NSD2: variants seen among roughly 807,000 people sequenced by gnomAD.
NSD2 encodes the protein histone-lysine N-methyltransferase NSD2.
In NSD2, 12 loss-of-function variants were observed where a neutral mutation model predicts 139.0. The ratio of observed to expected loss-of-function variants is 0.09; its 90% CI spans 0.06 to 0.14. The LOEUF is 0.14. NSD2 is among the 10% of genes least tolerant of loss of function. The probability of loss-of-function intolerance (pLI) is 1.00; values close to 1 mark genes in which losing one functional copy is unlikely to be tolerated. For synonymous variants in NSD2, 669 were observed against 648.7 expected (o/e 1.03, Z -0.48); for missense variants, 1,155 against 1,745.0 (o/e 0.66, Z 6.02).
chr4:1,946,433 A>AT (rs963154089), intron 9 of NSD2: 729 of 493,800 alleles, frequency 1.5e-3, no homozygotes, highest in Middle Eastern at 6.4e-3. Flanking sequence ...ACACCTGGCT[A>AT]TTTTTTTTTG....
intron 3 of NSD2, among the ~76,000 whole-genome samples, chr4:1,913,811 C>T (rs1719002612): frequency 6.6e-6 from 1 of 152,006 alleles, no homozygotes; most frequent in Non-Finnish European, 1.5e-5. Context: ...GCCCAGCTGT[C>T]TTTTCTTCAA....
At chr4:1,930,450 C>T (rs1374911322) in intron 5 of NSD2, among the ~76,000 whole-genome samples, 176 bp from the exon 6 acceptor site, 2 of 152,184 alleles carry the variant, frequency 1.3e-5, no homozygotes, top group Non-Finnish European at 2.9e-5. Context: ...CATTGAGTCA[C>T]AGCATCAGTT....
At chr4:1,888,114 G>A (rs764948196) in intron 1 of NSD2, among the ~76,000 whole-genome samples, 2 of 152,026 alleles carry the variant, frequency 1.3e-5, no homozygotes, top group Non-Finnish European at 1.5e-5. Flanking sequence ...GTGAGGCAAC[G>A]TTTATTAAGG....
rs1723236571 is a variant in NSD2, at chr4:1,942,828, G to A, written c.1881+3050G>A. On this transcript the variant is annotated intron_variant, in intron 9 of 21. Coordinates refer to ENST00000508803, the MANE Select transcript of NSD2 (RefSeq NM_001042424.3). This position sits in a 1 kb window ranked among gnomAD's most constrained non-coding sequence, Gnocchi z 4.0. ...AAACTAACAGCACACGTTAGGAGGA[G>A]TCCTCATCAGCTGTTCTCATTGCCA... The A allele has an allele frequency of 1.9e-6, 2 of 1,069,530 alleles. No homozygotes were observed. The highest frequency in any genetic ancestry group is 1.6e-5 in the African/African-American group (1 of 61,078). The allele number at this position is 1,069,530 out of a possible 1,614,324, so 66.3% of individuals were successfully genotyped here.
At chr4:1,914,148 G>T (rs1397917319) in intron 3 of NSD2, among the ~76,000 whole-genome samples, 1 of 151,962 alleles carries the variant, frequency 6.6e-6, no homozygotes, top group African/African-American at 2.4e-5. Context: ...TCAGCCTCCC[G>T]AGTAGCTGGG....
rs924835526 is a variant in NSD2, at chr4:1,979,260, G to A, written c.*351G>A. The A allele has an allele frequency of 7.6e-6, 2 of 264,652 alleles. No homozygotes were observed. Among genetic ancestry groups the A allele is most frequent in the Admixed American group, 5.4e-5 (1 of 18,552 alleles). The allele number at this position is 264,652 out of a possible 1,614,324, so 16.4% of individuals were successfully genotyped here. ...GGAATGTTTTAATCTCCTCTGAAAT[G>A]TGTAGCGTAGGCTTTTCCCAAGGGT... On this transcript the variant is annotated 3_prime_UTR_variant, in exon 22 of 22. Coordinates refer to ENST00000508803, the MANE Select transcript of NSD2 (RefSeq NM_001042424.3).
chr4:1,921,738 C>T (rs1450417646), intron 5 of NSD2, among the ~76,000 whole-genome samples: 1 of 144,428 alleles, frequency 6.9e-6, no homozygotes, highest in African/African-American at 2.6e-5. Flanking sequence ...GCCAAAATCA[C>T]GCCAATGCAC....
intron 6 of NSD2, among the ~76,000 whole-genome samples, chr4:1,933,139 T>A (rs1331868588): frequency 1.3e-5 from 2 of 152,220 alleles, no homozygotes; most frequent in Non-Finnish European, 1.5e-5. Flanking sequence ...CACACCAGGC[T>A]GGAACTGCAG....
rs1726653434 is a variant in NSD2 at position 1,972,959 on chromosome 4, TCTC to T, written c.3373-1901_3373-1899del. Among the ~76,000 whole-genome samples the T allele has an allele frequency of 6.6e-6, 1 of 152,062 alleles. No individual in the cohort carries two copies. The highest frequency in any genetic ancestry group is 2.4e-5 in the African/African-American group (1 of 41,396). ...CCTCTGCCTCACAGGTTCAAGCCAT[TCTC>T]CTGCCTCAGCCTCCCGAGTAACTGG... On this transcript the variant is annotated intron_variant, in intron 18 of 21. Coordinates refer to ENST00000508803, the MANE Select transcript of NSD2 (RefSeq NM_001042424.3). The surrounding 1 kb of genome is among the most constrained non-coding windows in gnomAD (Gnocchi z 4.0).
At chr4:1,907,340 A>T (rs572428984) in intron 3 of NSD2, among the ~76,000 whole-genome samples, 41 of 152,240 alleles carry the variant, frequency 2.7e-4, no homozygotes, top group African/African-American at 9.6e-4. Context: ...TTGACCAGTT[A>T]TTAACCCTGC....
intron 5 of NSD2, among the ~76,000 whole-genome samples, chr4:1,924,342 A>AG (rs1720562579): frequency 1.3e-5 from 2 of 152,072 alleles, no homozygotes; most frequent in African/African-American, 2.4e-5. Flanking sequence ...GGGCCCTGGA[A>AG]GCAGGGTAAG....
At chr4:1,965,044 T>C (rs1423546617) in intron 18 of NSD2, among the ~76,000 whole-genome samples, 3 of 113,724 alleles carry the variant, frequency 2.6e-5, no homozygotes, top group African/African-American at 9.9e-5. Context: ...ACATGTCCAG[T>C]GTTCAGCAAA....
intron 9 of NSD2, chr4:1,943,957 A>C: frequency 4.7e-6 from 5 of 1,064,352 alleles, no homozygotes; most frequent in Non-Finnish European, 5.7e-6. Context: ...TGCTCCCTCT[A>C]TATTATGGAG....
At chr4:1,944,848 G>A in intron 9 of NSD2, 1 of 1,063,514 alleles carries the variant, frequency 9.4e-7, no homozygotes, top group Non-Finnish European at 1.1e-6. Flanking sequence ...ACTGACTCCA[G>A]GTGTAGTTAC....
In NSD2 at chr4:1,918,171, G is replaced by A. The variant is rs747603711; in HGVS notation, c.958G>A (p.Ala320Thr). 20 of 1,612,716 alleles carry A rather than the reference G, an allele frequency of 1.2e-5. No individual in the cohort carries two copies. The highest frequency in any genetic ancestry group is 1.6e-4 in the Middle Eastern group (1 of 6,068). ...GAAACCAATTTCAGGGAAATTGAGGGCCCAGTGGGAAATGGGCATTGTTCA... is the reference window on the plus strand; with the variant it reads ...GAAACCAATTTCAGGGAAATTGAGGACCCAGTGGGAAATGGGCATTGTTCA... ...LLKPISGKLR[A>T]QWEMGIVQAE... is the part of the protein sequence containing the mutation. The change falls in exon 5 of 22, where the codon GCC (alanine) becomes ACC (threonine). Residue 320 changes from alanine (A) to threonine (T), a missense_variant. Ala to Thr is a moderately conservative substitution (Grantham distance 58). Coordinates refer to ENST00000508803, the MANE Select transcript of NSD2 (RefSeq NM_001042424.3).
At position 1,940,000 on chromosome 4, in the gene NSD2, C is replaced by T; in HGVS notation, c.1881+222C>T. 4 of 1,409,058 alleles carry T rather than the reference C, an allele frequency of 2.8e-6. No homozygotes were observed. The East Asian group carries it at 1.0e-4, about 37-fold the overall frequency. 87.3% of individuals were successfully genotyped at this position (1,409,058 alleles called of 1,614,324 possible). On this transcript the variant is annotated intron_variant, in intron 9 of 21. Coordinates refer to ENST00000508803, the MANE Select transcript of NSD2 (RefSeq NM_001042424.3). ...CTTTTTATACACACGCACACAGTGT[C>T]TGTGTACATGTACAGATATACTTCA...
At position 1,976,446 on chromosome 4, in the gene NSD2, G is replaced by A. The variant is rs766823101; in HGVS notation, c.3622-29G>A. The stretch of plus-strand genomic sequence containing the variant: ...TGCTTCAGCCTGTGTAATTCTTTCC[G>A]GTGATCTGTGCTTAATTCTTGACTC... On this transcript the variant is annotated intron_variant, in intron 20 of 21. Coordinates refer to ENST00000508803, the MANE Select transcript of NSD2 (RefSeq NM_001042424.3). The surrounding 1 kb of genome is among the most constrained non-coding windows in gnomAD (Gnocchi z 5.3). 1.9e-5 allele frequency: 30 copies of A among 1,604,730 alleles called. No homozygotes were observed. Among genetic ancestry groups the A allele is most frequent in the Middle Eastern group, 1.6e-4 (1 of 6,074 alleles).
intron 1 of NSD2, among the ~76,000 whole-genome samples, chr4:1,883,524 CAGG>C (rs1714855250): frequency 6.6e-6 from 1 of 151,502 alleles, no homozygotes; most frequent in African/African-American, 2.4e-5. Context: ...CCCAGCTACT[CAGG>C]AGGCTGAGGC....
At chr4:1,884,050 A>G (rs570179258) in intron 1 of NSD2, among the ~76,000 whole-genome samples, 1 of 152,308 alleles carries the variant, frequency 6.6e-6, no homozygotes, top group East Asian at 1.9e-4. Flanking sequence ...AACTTACAAA[A>G]TGAGACTACT....
Sources: gnomAD v4.1 joint callset for allele counts (sites outside exome capture counted in the v4.1 genomes callset) on GRCh38, gnomAD v4.1.1 for gene constraint, Gnocchi (gnomAD v3.1) non-coding constraint, MANE v1.5 for transcripts, NCBI Gene and HGNC (gene_info 2026-07-23, HGNC 2026-07-21) for gene names.